Variants in DNAH11 observed in about 807,000 individuals in gnomAD.
The protein encoded by DNAH11 is dynein axonemal heavy chain 11.
Under a neutral mutation model 526.0 loss-of-function variants are expected in DNAH11, and 442 were observed. That is an observed-to-expected ratio of 0.84 (90% CI 0.78 to 0.91). The LOEUF is 0.91. DNAH11 is among the 40% of genes least tolerant of loss of function. DNAH11 has a pLI of 0.00. For missense variants in DNAH11, 6,989 were observed against 5,448.7 expected (o/e 1.28, Z -8.90); for synonymous variants, 2,461 against 1,935.9 (o/e 1.27, Z -7.12).
At chr7:21,816,315 A>G (rs1474096470) in intron 63 of DNAH11, among the ~76,000 whole-genome samples, 152 bp from the exon 64 acceptor site, 1 of 152,208 alleles carries the variant, frequency 6.6e-6, no homozygotes, top group Non-Finnish European at 1.5e-5. Context: ...ATTGCATCTA[A>G]TGATGAGTTG....
At chr7:21,595,412 G>T (rs1227254944) in intron 14 of DNAH11, among the ~76,000 whole-genome samples, 3 of 152,222 alleles carry the variant, frequency 2.0e-5, no homozygotes, top group Non-Finnish European at 4.4e-5. Flanking sequence ...GCTGGACCAG[G>T]GTGGTAGCAG....
At chr7:21,632,054 C>T (rs893209506) in intron 25 of DNAH11, among the ~76,000 whole-genome samples, 4 of 152,218 alleles carry the variant, frequency 2.6e-5, no homozygotes, top group African/African-American at 4.8e-5. Context: ...GACTTTTGTG[C>T]ACTGGCAGAC....
chr7:21,747,157 C>A (rs1786184720), intron 51 of DNAH11, among the ~76,000 whole-genome samples: 1 of 152,096 alleles, frequency 6.6e-6, no homozygotes, highest in South Asian at 2.1e-4. Flanking sequence ...GAAATGAAAA[C>A]CCTGTTTTAT....
rs1554294569 is a variant in DNAH11 at position 21,901,545 on chromosome 7, G to GGCAACAGAACAAGACTC, written c.*292_*308dup. On this transcript the variant is annotated 3_prime_UTR_variant, in exon 82 of 82. Transcript: ENST00000409508. ...GGTTGCACCACTGCACTCCCTCCTGGGCAACAGAACAAGACTCCATCTCAA... is the reference window on the plus strand; with the variant it reads ...GGTTGCACCACTGCACTCCCTCCTGGGCAACAGAACAAGACTCGCAACAGAACAAGACTCCATCTCAA... 3 of 238,610 alleles carry GGCAACAGAACAAGACTC rather than the reference G, an allele frequency of 1.3e-5. No homozygotes were observed. The highest frequency in any genetic ancestry group is 2.2e-5 in the African/African-American group (1 of 44,468). The allele number at this position is 238,610 out of a possible 1,614,324, so 14.8% of individuals were successfully genotyped here.
At chr7:21,592,340 C>G (rs1040541591) in intron 14 of DNAH11, among the ~76,000 whole-genome samples, 12 of 152,142 alleles carry the variant, frequency 7.9e-5, no homozygotes, top group African/African-American at 2.7e-4. Context: ...TGACAGGGAA[C>G]AAAGCATATG....
At chr7:21,742,257 C>A in intron 49 of DNAH11, 91 bp downstream of exon 49, 1 of 1,387,564 alleles carries the variant, frequency 7.2e-7, no homozygotes, top group Non-Finnish European at 9.8e-7. Flanking sequence ...TATAGAGAAA[C>A]ACCTGAGGCT....
At chr7:21,668,161 T>G (rs916531469) in intron 30 of DNAH11, among the ~76,000 whole-genome samples, 1 of 152,152 alleles carries the variant, frequency 6.6e-6, no homozygotes, top group African/African-American at 2.4e-5. Context: ...GTGTGGATTT[T>G]TTACTTAACA....
intron 65 of DNAH11, among the ~76,000 whole-genome samples, chr7:21,824,476 GTATT>G (rs1464554204): frequency 2.0e-4 from 30 of 152,176 alleles, no homozygotes; most frequent in African/African-American, 7.0e-4. Flanking sequence ...AAATAAATAT[GTATT>G]TAGTCAAGTT....
rs762025592 is a variant in DNAH11 at position 21,786,628 on chromosome 7, A to T, written c.9602A>T (p.Asn3201Ile). Reference protein sequence around the residue: ...TAALNTLNRVNLSELKAFPNP... With the variant: ...TAALNTLNRVILSELKAFPNP... ...TTTCTGTGTGCTTTTCTTCAGGTCA[A>T]CCTCAGTGAGCTGAAAGCCTTTCCC... Residue 3201 changes from asparagine to isoleucine, a missense_variant, in exon 59 of 82, where the codon AAC becomes ATC. Transcript: ENST00000409508. 6.2e-7 allele frequency: 1 copy of T among 1,611,638 alleles called. No homozygotes were observed. The highest frequency in any genetic ancestry group is 8.5e-7 in the Non-Finnish European group (1 of 1,178,378).
intron 35 of DNAH11, among the ~76,000 whole-genome samples, chr7:21,695,256 A>G (rs536977114): frequency 3.9e-5 from 6 of 152,330 alleles, no homozygotes; most frequent in Non-Finnish European, 7.3e-5. Context: ...TAAATTTCAC[A>G]TGGACCCAAT....
In DNAH11 at chr7:21,741,175, A is replaced by G. The variant is rs144611084; in HGVS notation, c.7915-752A>G. 6.3e-4 allele frequency among the ~76,000 whole-genome samples: 96 copies of G among 152,322 alleles called. 3 individuals carry two copies. The East Asian group carries it at 0.018, about 29-fold the overall frequency. On this transcript the variant is annotated intron_variant, in intron 48 of 81. Coordinates refer to ENST00000409508, the MANE Select transcript of DNAH11 (RefSeq NM_001277115.2). ...TAAATTTTGCCTTTTCCAGAATTTC[A>G]TATGATGAGAATCATAGGGTGTGTA...
chr7:21,881,358 A>G (rs1057103755), intron 75 of DNAH11, among the ~76,000 whole-genome samples: 5 of 152,212 alleles, frequency 3.3e-5, no homozygotes, highest in Admixed American at 6.5e-5. Flanking sequence ...ATATGTCATT[A>G]TTATGTATTA....
At position 21,616,290 on chromosome 7, in the gene DNAH11, A is replaced by G. The variant is rs768748144; in HGVS notation, c.4093A>G (p.Lys1365Glu). The G allele has an allele frequency of 1.1e-5, 18 of 1,611,194 alleles. No individual in the cohort carries two copies. The highest frequency in any genetic ancestry group is 1.4e-5 in the Non-Finnish European group (17 of 1,178,374). Residue 1365 changes from lysine to glutamate, a missense_variant and splice_region_variant, in exon 22 of 82, where the codon AAG becomes GAG. Lys to Glu is a moderately conservative substitution (Grantham distance 56, BLOSUM62 1). Coordinates refer to ENST00000409508, the MANE Select transcript of DNAH11 (RefSeq NM_001277115.2). The stretch of plus-strand genomic sequence containing the variant: ...GGATGTAGAACTCAGAAGGTTTGCC[A>G]AGGCGAGTTCCATAACTGTCTATTA... Reference protein sequence around the residue: ...QMDVELRRFAKEIWSLNKEVR... With the variant: ...QMDVELRRFAEEIWSLNKEVR...
At chr7:21,723,352 GTCTAAGCCAGGT>G (rs1481641245) in intron 44 of DNAH11, among the ~76,000 whole-genome samples, 1 of 152,198 alleles carries the variant, frequency 6.6e-6, no homozygotes, top group Admixed American at 6.5e-5. Context: ...GCTAACCCAT[GTCTAAGCCAGGT>G]TCAAACAGCA....
intron 54 of DNAH11, among the ~76,000 whole-genome samples, chr7:21,761,641 A>T (rs1412176322): frequency 6.6e-6 from 1 of 152,100 alleles, no homozygotes; most frequent in Non-Finnish European, 1.5e-5. Context: ...TGGTCCAAGG[A>T]TTTGCATTTC....
At chr7:21,715,706 T>C (rs896329161) in intron 42 of DNAH11, among the ~76,000 whole-genome samples, 2 of 152,052 alleles carry the variant, frequency 1.3e-5, no homozygotes, top group Non-Finnish European at 2.9e-5. Context: ...CTTCTAAATT[T>C]ACTGTCTTTT....
chr7:21,889,901 C>T (rs1784270525), intron 76 of DNAH11, among the ~76,000 whole-genome samples: 1 of 152,086 alleles, frequency 6.6e-6, no homozygotes, highest in Non-Finnish European at 1.5e-5. Context: ...TCACAGGGCT[C>T]CTTGAGTATA....
intron 8 of DNAH11, among the ~76,000 whole-genome samples, chr7:21,574,428 C>T (rs1161068199): frequency 6.6e-6 from 1 of 152,086 alleles, no homozygotes; most frequent in Non-Finnish European, 1.5e-5. Flanking sequence ...AGAGTGGTCC[C>T]GCAGGCAAAT....
intron 61 of DNAH11, among the ~76,000 whole-genome samples, chr7:21,791,411 A>T (rs575465101): frequency 6.6e-6 from 1 of 152,296 alleles, no homozygotes; most frequent in South Asian, 2.1e-4. Context: ...ATATGATCCA[A>T]CCTTTCGCAA....
Sources: allele counts gnomAD v4.1 joint callset (sites outside exome capture counted in the v4.1 genomes callset), GRCh38; gene constraint gnomAD v4.1.1; transcripts MANE v1.5; gene names NCBI Gene and HGNC (gene_info 2026-07-23, HGNC 2026-07-21).